Variants in NR6A1 observed in about 807,000 individuals in gnomAD.
NR6A1 encodes the protein nuclear receptor subfamily 6 group A member 1.
A neutral mutation model predicts 59.1 loss-of-function variants in NR6A1; 7 were observed. That is an observed-to-expected ratio of 0.12 (90% CI 0.07 to 0.22). NR6A1 has a LOEUF of 0.22. NR6A1 is among the 10% of genes least tolerant of loss of function. NR6A1 has a pLI of 1.00. For synonymous variants in NR6A1, 243 were observed against 236.1 expected, an observed-to-expected ratio of 1.03 and a Z score of -0.27; for missense variants, 468 against 611.6, an observed-to-expected ratio of 0.77 and a Z score of 2.48.
intron 1 of NR6A1, 22 bp downstream of exon 1, chr9:124,770,998 G>A (rs1366506541): frequency 6.7e-6 from 8 of 1,200,290 alleles, no homozygotes; most frequent in South Asian, 4.2e-5. Context: ...CCTGGCCCGG[G>A]CGTCGCAGGC....
intron 2 of NR6A1, among the ~76,000 whole-genome samples, chr9:124,612,148 G>A (rs1210421686): frequency 6.6e-6 from 1 of 152,118 alleles, no homozygotes; most frequent in Non-Finnish European, 1.5e-5. Flanking sequence ...TTTTTGATAA[G>A]GTTTCCAAAC....
rs1374065232 is a variant in NR6A1, at chr9:124,672,632, GC to G, written c.142+60675del. Among the ~76,000 whole-genome samples, 76 of 151,944 alleles carry G rather than the reference GC, an allele frequency of 5.0e-4. 1 individual carries two copies. Among genetic ancestry groups the G allele is most frequent in the African/African-American group, 1.8e-3 (74 of 41,422 alleles). ...TCCGTTTCAAAAAAAAAAAAGAATTGCTTAAGTTCAAGTTTCCCAGATGCTA... is the reference window on the plus strand; with the variant it reads ...TCCGTTTCAAAAAAAAAAAAGAATTGTTAAGTTCAAGTTTCCCAGATGCTA... On this transcript the variant is annotated intron_variant, in intron 2 of 9. Transcript: ENST00000487099.
intron 8 of NR6A1, among the ~76,000 whole-genome samples, chr9:124,525,284 A>AACAC (rs71492413): frequency 0.53 from 72,461 of 137,090 alleles, 20,687 homozygotes; most frequent in Middle Eastern, 0.68. Context: ...ATGCTTGTAA[A>AACAC]ACACACACAC....
chr9:124,588,009 A>G (rs1264287816), intron 2 of NR6A1, among the ~76,000 whole-genome samples: 1 of 152,182 alleles, frequency 6.6e-6, no homozygotes, highest in Non-Finnish European at 1.5e-5. Flanking sequence ...ACACTTTTAC[A>G]AAACTAGAAC....
chr9:124,691,800 A>G (rs1316096801), intron 2 of NR6A1, among the ~76,000 whole-genome samples: 1 of 152,232 alleles, frequency 6.6e-6, no homozygotes, highest in East Asian at 1.9e-4. Flanking sequence ...GAGATCATCA[A>G]TCATGGAGGT....
At chr9:124,561,235 A>G (rs1208376704) in intron 2 of NR6A1, among the ~76,000 whole-genome samples, 2 of 152,144 alleles carry the variant, frequency 1.3e-5, no homozygotes, top group Non-Finnish European at 2.9e-5. Context: ...CAGGAGTTTA[A>G]GACCAGCCTG....
intron 2 of NR6A1, among the ~76,000 whole-genome samples, chr9:124,688,231 G>A (rs968039826): frequency 3.9e-5 from 6 of 152,066 alleles, no homozygotes; most frequent in South Asian, 2.1e-4. Flanking sequence ...AGGCTGAGGC[G>A]GGAGGATTAC....
intron 2 of NR6A1, among the ~76,000 whole-genome samples, chr9:124,638,534 T>TCAAATCTGACAC (rs745483240): frequency 1.1e-4 from 16 of 152,278 alleles, no homozygotes; most frequent in Non-Finnish European, 1.6e-4. Context: ...TTGTGTATCA[T>TCAAATCTGACAC]CAAATCTGAC....
At position 124,553,588 on chromosome 9, in the gene NR6A1, C is replaced by T. The variant is rs76667696; in HGVS notation, c.385+740G>A. Among the ~76,000 whole-genome samples the T allele has an allele frequency of 0.014, 1,789 of 127,524 alleles. 59 individuals carry two copies. The East Asian group carries it at 0.14, about 10-fold the overall frequency. The allele number at this position is 127,524 out of a possible 152,430, so 83.7% of individuals were successfully genotyped here. A position where few individuals can be genotyped will look rare whatever the true frequency, so the allele number is the denominator to read the frequency against. On this transcript the variant is annotated intron_variant, in intron 3 of 9. Coordinates refer to ENST00000487099, the MANE Select transcript of NR6A1 (RefSeq NM_033334.4). Reference sequence around the variant, plus strand: ...TTTTTTTTTTTTCGTTTTTTTCTCCCTGGTAAGGTCATTACTCTTAATCCA... The same window carrying T: ...TTTTTTTTTTTTCGTTTTTTTCTCCTTGGTAAGGTCATTACTCTTAATCCA...
chr9:124,712,847 G>A (rs1168497322), intron 2 of NR6A1, among the ~76,000 whole-genome samples: 1 of 152,070 alleles, frequency 6.6e-6, no homozygotes, highest in East Asian at 1.9e-4. Flanking sequence ...CAATCTAGAT[G>A]GAGAATTGGT....
At chr9:124,702,912 TTC>T (rs1839008419) in intron 2 of NR6A1, among the ~76,000 whole-genome samples, 1 of 151,956 alleles carries the variant, frequency 6.6e-6, no homozygotes, top group African/African-American at 2.4e-5. Flanking sequence ...TTTTTTTTTT[TTC>T]TCTTGAGATG....
chr9:124,760,136 A>C (rs1257385059), intron 1 of NR6A1, among the ~76,000 whole-genome samples: 1 of 151,792 alleles, frequency 6.6e-6, no homozygotes, highest in Non-Finnish European at 1.5e-5. Context: ...ACATGGTGAA[A>C]TCTCGTCTCT....
chr9:124,696,496 C>T (rs1838766952), intron 2 of NR6A1, among the ~76,000 whole-genome samples: 1 of 145,500 alleles, frequency 6.9e-6, no homozygotes, highest in African/African-American at 2.5e-5. Context: ...AATAACATCA[C>T]AAATTATACA....
At position 124,596,093 on chromosome 9, in the gene NR6A1, A is replaced by C. The variant is rs2130810467; in HGVS notation, c.143-41523T>G. 1.3e-5 allele frequency among the ~76,000 whole-genome samples: 2 copies of C among 152,366 alleles called. 1 individual carries two copies. The highest frequency in any genetic ancestry group is 4.1e-4 in the South Asian group (2 of 4,830). On this transcript the variant is annotated intron_variant, in intron 2 of 9. Transcript: ENST00000487099. The stretch of plus-strand genomic sequence containing the variant: ...ACCATTTCATGGGAAATTCTCCTCC[A>C]GTCTTCTTTAAGCTAAGATCCTAAA...
At chr9:124,536,351 A>G (rs1833267141) in intron 6 of NR6A1, among the ~76,000 whole-genome samples, 1 of 151,996 alleles carries the variant, frequency 6.6e-6, no homozygotes, top group Non-Finnish European at 1.5e-5. Flanking sequence ...CTGGTGAGGA[A>G]AGGCTGCTAA....
intron 1 of NR6A1, among the ~76,000 whole-genome samples, chr9:124,768,613 A>G (rs960932750): frequency 1.2e-4 from 19 of 152,246 alleles, no homozygotes; most frequent in African/African-American, 4.6e-4. Flanking sequence ...ACTTAGACTA[A>G]TGTAAAGCTT....
chr9:124,663,269 T>C (rs1837501587), intron 2 of NR6A1, among the ~76,000 whole-genome samples: 1 of 152,230 alleles, frequency 6.6e-6, no homozygotes, highest in Non-Finnish European at 1.5e-5. Context: ...ACTTCTATGA[T>C]GACCACGTCT....
chr9:124,766,117 A>C (rs568166267), intron 1 of NR6A1, among the ~76,000 whole-genome samples: 14 of 152,324 alleles, frequency 9.2e-5, no homozygotes, highest in Admixed American at 6.5e-4. Flanking sequence ...TCTGAAACTT[A>C]AGCTCTAAAA....
At chr9:124,593,540 G>A (rs1835188872) in intron 2 of NR6A1, among the ~76,000 whole-genome samples, 1 of 152,120 alleles carries the variant, frequency 6.6e-6, no homozygotes, top group Non-Finnish European at 1.5e-5. Flanking sequence ...ATTAGCATGA[G>A]GACAAAAGGC....
Sources: allele counts gnomAD v4.1 joint callset (sites outside exome capture counted in the v4.1 genomes callset), GRCh38; gene constraint gnomAD v4.1.1; transcripts MANE v1.5; gene names NCBI Gene and HGNC (gene_info 2026-07-23, HGNC 2026-07-21).